Variants in MAD1L1 observed in about 807,000 individuals in gnomAD.
MAD1L1 encodes the protein mitotic arrest deficient 1 like 1, also known as mitotic spindle assembly checkpoint protein MAD1.
In MAD1L1, 95 loss-of-function variants were observed where a neutral mutation model predicts 96.9. The observed-to-expected ratio is 0.98, with a 90% confidence interval of 0.83 to 1.16. The LOEUF (loss-of-function observed/expected upper bound fraction) is 1.16. MAD1L1 is among the 50% of genes most tolerant of loss of function. The pLI is 0.00. For missense variants in MAD1L1, 1,007 were observed against 954.4 expected, an observed-to-expected ratio of 1.06 and a Z score of -0.73; for synonymous variants, 473 against 396.6, an observed-to-expected ratio of 1.19 and a Z score of -2.29.
chr7:1,859,062 T>C (rs13232677), intron 18 of MAD1L1, among the ~76,000 whole-genome samples: 2,033 of 84,042 alleles, frequency 0.024, 18 homozygotes, highest in Non-Finnish European at 0.043. Flanking sequence ...CCAAACCCCA[T>C]ACGCAGGAGG....
At chr7:1,938,478 G>A (rs1019355803) in intron 16 of MAD1L1, among the ~76,000 whole-genome samples, 1 of 152,134 alleles carries the variant, frequency 6.6e-6, no homozygotes, top group South Asian at 2.1e-4. Context: ...ACAGTGGAAA[G>A]GCACCCACAG....
intron 18 of MAD1L1, among the ~76,000 whole-genome samples, chr7:1,877,939 T>C (rs2128661687): frequency 6.6e-6 from 1 of 151,960 alleles, no homozygotes. Flanking sequence ...TCGATAAAAC[T>C]TAGAGTGATG....
intron 11 of MAD1L1, among the ~76,000 whole-genome samples, chr7:2,126,424 C>T (rs1299543678): frequency 6.6e-6 from 1 of 152,186 alleles, no homozygotes; most frequent in African/African-American, 2.4e-5. Context: ...CCACTGGAGG[C>T]CCCCAGCCTG....
intron 11 of MAD1L1, among the ~76,000 whole-genome samples, chr7:2,122,351 G>A (rs1404446612): frequency 6.6e-6 from 1 of 152,158 alleles, no homozygotes; most frequent in African/African-American, 2.4e-5. Context: ...TCCCTGGCTG[G>A]GTGCAGTGGT....
chr7:2,055,155 C>T (rs889540376), intron 12 of MAD1L1, among the ~76,000 whole-genome samples: 3 of 152,180 alleles, frequency 2.0e-5, no homozygotes, highest in Non-Finnish European at 4.4e-5. Flanking sequence ...GTGCGTGCCA[C>T]GACAGCACCA....
chr7:2,127,813 A>C (rs1472810985), intron 11 of MAD1L1, among the ~76,000 whole-genome samples: 1 of 152,156 alleles, frequency 6.6e-6, no homozygotes, highest in Non-Finnish European at 1.5e-5. Context: ...GCTAGGAATG[A>C]GAAAGCCTAG....
At chr7:1,934,507 C>T (rs180671369) in intron 17 of MAD1L1, among the ~76,000 whole-genome samples, 2 of 151,646 alleles carry the variant, frequency 1.3e-5, no homozygotes, top group Middle Eastern at 3.4e-3. Context: ...GAGACCCAGA[C>T]AACAAGGAAA....
In MAD1L1 at chr7:1,816,222, T is replaced by C; in HGVS notation, c.2005A>G (p.Ser669Gly). Residue 669 changes from serine to glycine, a missense_variant, in exon 19 of 19, where the codon AGC (serine) becomes GGC (glycine). Coordinates refer to ENST00000265854, the MANE Select transcript of MAD1L1 (RefSeq NM_001013836.2). Reference sequence around the variant, plus strand: ...AGCTGCATCTTGGAACCCGAGGGGCTGGTGGCCTGCGGGGCAGTCAAGAAA... The same window carrying C: ...AGCTGCATCTTGGAACCCGAGGGGCCGGTGGCCTGCGGGGCAGTCAAGAAA... ...PGDCLIFKAT[S>G]PSGSKMQLLE... 6.2e-7 allele frequency: 1 copy of C among 1,612,690 alleles called. No homozygotes were observed. Among genetic ancestry groups the C allele is most frequent in the South Asian group, 1.1e-5 (1 of 90,988 alleles).
chr7:1,911,678 C>T (rs548164120), intron 17 of MAD1L1, among the ~76,000 whole-genome samples: 5 of 152,166 alleles, frequency 3.3e-5, no homozygotes, highest in East Asian at 3.9e-4. Context: ...TCCAGTCCGG[C>T]GTCACCTCCA....
chr7:1,920,184 C>T (rs1788690097), intron 17 of MAD1L1, among the ~76,000 whole-genome samples: 1 of 152,224 alleles, frequency 6.6e-6, no homozygotes, highest in Non-Finnish European at 1.5e-5. Context: ...CTGCAGCTCT[C>T]GGGACTTGCC....
At chr7:2,075,354 C>A (rs1252247141) in intron 11 of MAD1L1, among the ~76,000 whole-genome samples, 1 of 152,208 alleles carries the variant, frequency 6.6e-6, no homozygotes, top group Non-Finnish European at 1.5e-5. Flanking sequence ...CCCTGCAGGG[C>A]ACCGGGACCC....
chr7:2,109,052 C>T, intron 11 of MAD1L1, among the ~76,000 whole-genome samples: 1 of 152,262 alleles, frequency 6.6e-6, no homozygotes, highest in East Asian at 1.9e-4. Context: ...AGCCTCCCCG[C>T]ACCCGCTCTG....
chr7:2,218,967 G>C (rs996853460), intron 6 of MAD1L1, among the ~76,000 whole-genome samples: 3 of 152,136 alleles, frequency 2.0e-5, no homozygotes, highest in African/African-American at 7.2e-5. Flanking sequence ...GGCTAAGGCA[G>C]GAGGATCACT....
intron 14 of MAD1L1, among the ~76,000 whole-genome samples, chr7:1,998,962 C>T (rs1781677004): frequency 3.3e-5 from 5 of 151,310 alleles, no homozygotes; most frequent in Admixed American, 2.6e-4. Flanking sequence ...ACCCCACTCA[C>T]TGCTGGACAC....
chr7:1,970,955 C>G (rs1181625030), intron 15 of MAD1L1, among the ~76,000 whole-genome samples: 1 of 152,234 alleles, frequency 6.6e-6, no homozygotes, highest in Non-Finnish European at 1.5e-5. Flanking sequence ...AAATGAATCC[C>G]TTCCATTGTG....
chr7:1,971,229 T>C (rs1451644016), intron 15 of MAD1L1, among the ~76,000 whole-genome samples: 1 of 152,214 alleles, frequency 6.6e-6, no homozygotes, highest in African/African-American at 2.4e-5. Flanking sequence ...ACTGCAATCA[T>C]GGCCACCGCT....
intron 17 of MAD1L1, among the ~76,000 whole-genome samples, chr7:1,934,245 G>C (rs2128462515): frequency 6.6e-6 from 1 of 152,304 alleles, no homozygotes; most frequent in African/African-American, 2.4e-5. Context: ...CTTCTCCATG[G>C]TCAGCTCAGA....
At chr7:1,863,624 C>T (rs1784636223) in intron 18 of MAD1L1, among the ~76,000 whole-genome samples, 1 of 152,246 alleles carries the variant, frequency 6.6e-6, no homozygotes, top group African/African-American at 2.4e-5. Context: ...CACCTGCCCA[C>T]ACCCCACGCG....
intron 12 of MAD1L1, among the ~76,000 whole-genome samples, chr7:2,060,116 A>C (rs1473795824): frequency 6.9e-6 from 1 of 144,790 alleles, no homozygotes; most frequent in African/African-American, 2.6e-5. Flanking sequence ...CGCCGAAGCC[A>C]AGATGCCGAG....
Sources: gnomAD v4.1 joint callset for allele counts (sites outside exome capture counted in the v4.1 genomes callset) on GRCh38, gnomAD v4.1.1 for gene constraint, MANE v1.5 for transcripts, NCBI Gene and HGNC (gene_info 2026-07-23, HGNC 2026-07-21) for gene names.